Variants in EREG observed in about 807,000 individuals in gnomAD.
EREG encodes epiregulin.
In EREG, 23 loss-of-function variants were observed where a neutral mutation model predicts 22.4. The observed-to-expected ratio is 1.03, with a 90% CI of 0.74 to 1.46. The LOEUF (loss-of-function observed/expected upper bound fraction) is 1.46, where lower values mean the gene tolerates loss of function less well. Ranked by LOEUF, EREG falls within the 40% of genes most tolerant of loss-of-function variation. The pLI is 0.00. For synonymous variants in EREG, 100 were observed against 75.4 expected, an observed-to-expected ratio of 1.33 and a Z score of -1.69; for missense variants, 226 against 205.9, an observed-to-expected ratio of 1.10 and a Z score of -0.60.
At chr4:74,372,567 GAAT>G (rs1181923733) in intron 1 of EREG, among the ~76,000 whole-genome samples, 1 of 152,156 alleles carries the variant, frequency 6.6e-6, no homozygotes, top group Non-Finnish European at 1.5e-5. Context: ...AATAATGTAA[GAAT>G]AATTTAAGTT....
intron 1 of EREG, among the ~76,000 whole-genome samples, chr4:74,372,607 G>A (rs1161680457): frequency 2.0e-5 from 3 of 152,128 alleles, no homozygotes; most frequent in Non-Finnish European, 4.4e-5. Context: ...GAAGCCCGAT[G>A]GAAGGGAGTC....
In EREG at chr4:74,380,570, C is replaced by A. The variant is rs577398541; in HGVS notation, c.155-444C>A. Among the ~76,000 whole-genome samples, 15 of 152,248 alleles carry A rather than the reference C, an allele frequency of 9.9e-5. No homozygotes were observed. In the South Asian group the frequency reaches 2.5e-3, roughly 25 times the overall value. Reference sequence around the variant, plus strand: ...AAAGCCAGCCTTACTGATTAAAAATCCACTGTAGAATTAAGCTCCTTTGAA... The same window carrying A: ...AAAGCCAGCCTTACTGATTAAAAATACACTGTAGAATTAAGCTCCTTTGAA... On this transcript the variant is annotated intron_variant, in intron 2 of 4. Coordinates refer to ENST00000244869, the MANE Select transcript of EREG (RefSeq NM_001432.3).
chr4:74,365,278 C>A lies in EREG; in HGVS notation c.-31C>A, dbSNP rs199751779. The A allele has an allele frequency of 5.7e-6, 9 of 1,587,382 alleles. No individual in the cohort carries two copies. In the South Asian group the frequency reaches 1.0e-4, roughly 18 times the overall value. On this transcript the variant is annotated 5_prime_UTR_variant, in exon 1 of 5. Coordinates refer to ENST00000244869, the MANE Select transcript of EREG (RefSeq NM_001432.3). ...CCGTGCACTCTCCGCAGCCGCCCTCCGCCAAGCCCCAGCGCCCGCTCCCAT... is the reference window on the plus strand; with the variant it reads ...CCGTGCACTCTCCGCAGCCGCCCTCAGCCAAGCCCCAGCGCCCGCTCCCAT...
chr4:74,381,898 T>C (rs1011118145), intron 3 of EREG: 2 of 132,652 alleles, frequency 1.5e-5, no homozygotes, highest in African/African-American at 5.7e-5. Flanking sequence ...GGCAGGAGAA[T>C]GGCATGAACC....
chr4:74,365,344 C>G lies in EREG; in HGVS notation c.36C>G (p.Ala12=), dbSNP rs1283967439. 3.1e-6 allele frequency: 5 copies of G among 1,609,764 alleles called. No individual in the cohort carries two copies. The Admixed American group carries it at 6.7e-5, about 21-fold the overall frequency. The change falls in exon 1 of 5, where the codon GCC becomes GCG. Residue 12 remains alanine (A), a synonymous_variant. Transcript: ENST00000244869. The part of the protein sequence containing the change: ...TAGRRMEMLC[A]GRVPALLLCL... Reference sequence around the variant, plus strand: ...GGAGGAGGATGGAGATGCTCTGTGCCGGCAGGGTCCCTGCGCTGCTGCTCT... The same window carrying G: ...GGAGGAGGATGGAGATGCTCTGTGCGGGCAGGGTCCCTGCGCTGCTGCTCT...
At chr4:74,367,728 C>T (rs757122121) in intron 1 of EREG, among the ~76,000 whole-genome samples, 1 of 152,172 alleles carries the variant, frequency 6.6e-6, no homozygotes, top group Non-Finnish European at 1.5e-5. Flanking sequence ...AGTCTTGGCA[C>T]AACCTGAGAT....
rs945829553 is a variant in EREG at position 74,369,277 on chromosome 4, GT to G, written c.67+3910del. Among the ~76,000 whole-genome samples the G allele has an allele frequency of 5.3e-5, 8 of 151,750 alleles. No individual in the cohort carries two copies. The South Asian group carries it at 8.3e-4, about 16-fold the overall frequency. Reference sequence around the variant, plus strand: ...TAGTGTACATTGTACCTAATGTGTAGTTTTTTTTCAATCCCTAGCCCACCTT... The same window carrying G: ...TAGTGTACATTGTACCTAATGTGTAGTTTTTTTCAATCCCTAGCCCACCTT... On this transcript the variant is annotated intron_variant, in intron 1 of 4. Transcript: ENST00000244869.
At chr4:74,365,501 C>T (rs1030036071) in intron 1 of EREG, 126 bp downstream of exon 1, 1 of 358,268 alleles carries the variant, frequency 2.8e-6, no homozygotes. Flanking sequence ...TTTAAAATTA[C>T]GTCTTGTTTT....
intron 2 of EREG, among the ~76,000 whole-genome samples, chr4:74,379,786 T>A (rs2110388132): frequency 1.3e-5 from 2 of 152,182 alleles, no homozygotes; most frequent in South Asian, 4.1e-4. Context: ...CAACAAAAAA[T>A]TGCATTCCCT....
chr4:74,372,219 T>C (rs1259502671), intron 1 of EREG, among the ~76,000 whole-genome samples: 2 of 152,202 alleles, frequency 1.3e-5, no homozygotes, highest in Non-Finnish European at 2.9e-5. Flanking sequence ...TCATAAACTA[T>C]ATTATCTGAA....
intron 1 of EREG, among the ~76,000 whole-genome samples, chr4:74,370,262 G>A (rs1384826464): frequency 6.6e-6 from 1 of 152,062 alleles, no homozygotes; most frequent in Non-Finnish European, 1.5e-5. Context: ...GTAAGTGTGT[G>A]TATAACTCTA....
intron 2 of EREG, 67 bp from the exon 3 acceptor site, chr4:74,380,945 GTT>G: frequency 6.5e-7 from 1 of 1,535,418 alleles, no homozygotes; most frequent in Non-Finnish European, 8.9e-7. Context: ...AGTGGTTACT[GTT>G]ATGAAAGAGT....
intron 1 of EREG, among the ~76,000 whole-genome samples, chr4:74,371,441 C>T (rs1476101066): frequency 6.6e-6 from 1 of 152,098 alleles, no homozygotes; most frequent in African/African-American, 2.4e-5. Context: ...CTTTGATAAC[C>T]ACCCTTTACT....
At chr4:74,373,176 T>G (rs576425224) in intron 1 of EREG, among the ~76,000 whole-genome samples, 3 of 152,034 alleles carry the variant, frequency 2.0e-5, no homozygotes, top group Non-Finnish European at 4.4e-5. Flanking sequence ...AAATTCATAT[T>G]TAGTGCAAAA....
At position 74,365,274 on chromosome 4, in the gene EREG, C is replaced by T. The variant is rs762288437; in HGVS notation, c.-35C>T. 1.3e-6 allele frequency: 2 copies of T among 1,575,128 alleles called. No individual in the cohort carries two copies. Among genetic ancestry groups the T allele is most frequent in the Non-Finnish European group, 1.7e-6 (2 of 1,158,776 alleles). On this transcript the variant is annotated 5_prime_UTR_variant, in exon 1 of 5. Coordinates refer to ENST00000244869, the MANE Select transcript of EREG (RefSeq NM_001432.3). ...CTGCCCGTGCACTCTCCGCAGCCGC[C>T]CTCCGCCAAGCCCCAGCGCCCGCTC...
At chr4:74,366,432 AC>A (rs1174271719) in intron 1 of EREG, among the ~76,000 whole-genome samples, 1 of 152,198 alleles carries the variant, frequency 6.6e-6, no homozygotes, top group Non-Finnish European at 1.5e-5. Flanking sequence ...ATTGAAACTT[AC>A]AAGTCTAAGT....
At chr4:74,383,114 C>T (rs1752506920) in intron 4 of EREG, among the ~76,000 whole-genome samples, 1 of 152,144 alleles carries the variant, frequency 6.6e-6, no homozygotes, top group Non-Finnish European at 1.5e-5. Context: ...TTATTATCAG[C>T]TCTGATACTT....
At chr4:74,382,978 T>C (rs1296251156) in intron 4 of EREG, among the ~76,000 whole-genome samples, 184 bp downstream of exon 4, 4 of 152,226 alleles carry the variant, frequency 2.6e-5, no homozygotes, top group Admixed American at 2.6e-4. Context: ...GGATCAGCTG[T>C]ACCCCTAATC....
chr4:74,369,501 G>C (rs1481697193), intron 1 of EREG, among the ~76,000 whole-genome samples: 1 of 152,084 alleles, frequency 6.6e-6, no homozygotes, highest in Non-Finnish European at 1.5e-5. Flanking sequence ...CCAATTTGCT[G>C]CGAAAGACAT....
Sources: allele counts gnomAD v4.1 joint callset (sites outside exome capture counted in the v4.1 genomes callset), GRCh38; gene constraint gnomAD v4.1.1; transcripts MANE v1.5; gene names NCBI Gene and HGNC (gene_info 2026-07-23, HGNC 2026-07-21).